MGRN1: variants seen among roughly 807,000 people sequenced by gnomAD.
MGRN1 encodes E3 ubiquitin-protein ligase MGRN1.
Under a neutral mutation model 69.2 loss-of-function variants are expected in MGRN1, and 29 were observed. The ratio of observed to expected loss-of-function variants is 0.42; its 90% CI spans 0.31 to 0.57. The LOEUF (loss-of-function observed/expected upper bound fraction) is 0.57. MGRN1 is among the 20% of genes least tolerant of loss of function. The pLI is 0.15. For missense variants in MGRN1, 998 were observed against 796.2 expected, an observed-to-expected ratio of 1.25 and a Z score of -3.05; for synonymous variants, 470 against 344.2, an observed-to-expected ratio of 1.37 and a Z score of -4.04.
chr16:4,672,476 G>A (rs148301860), intron 9 of MGRN1: 21 of 456,626 alleles, frequency 4.6e-5, no homozygotes, highest in Non-Finnish European at 8.4e-5. Flanking sequence ...CCACGTGGCG[G>A]GAGCGGAGCA....
chr16:4,683,398 C>A (rs1339644893), intron 15 of MGRN1, 129 bp downstream of exon 15: 2 of 1,105,464 alleles, frequency 1.8e-6, no homozygotes, highest in Non-Finnish European at 2.6e-6. Context: ...GGCCAAGAGG[C>A]CCCCCTCGGC....
At chr16:4,661,381 C>T (rs1310486219) in intron 5 of MGRN1, among the ~76,000 whole-genome samples, 4 of 152,186 alleles carry the variant, frequency 2.6e-5, no homozygotes, top group African/African-American at 9.6e-5. Context: ...CTGCACCCTC[C>T]AGCCCTCTCC....
At chr16:4,679,840 C>G (rs989839397) in intron 11 of MGRN1, among the ~76,000 whole-genome samples, 192 bp from the exon 12 acceptor site, 1 of 152,108 alleles carries the variant, frequency 6.6e-6, no homozygotes, top group Admixed American at 6.5e-5. Context: ...CGGGAGCTGC[C>G]GAGACGCACA....
intron 5 of MGRN1, among the ~76,000 whole-genome samples, chr16:4,661,145 T>G (rs2078671161): frequency 2.1e-5 from 1 of 47,076 alleles, no homozygotes; most frequent in Admixed American, 2.0e-4. Flanking sequence ...ACTGGCTGAT[T>G]TTTTTTTTTT....
chr16:4,679,626 G>T (rs904472870), intron 11 of MGRN1, among the ~76,000 whole-genome samples: 6 of 152,220 alleles, frequency 3.9e-5, no homozygotes, highest in Non-Finnish European at 8.8e-5. Flanking sequence ...GAGCGGCGGT[G>T]CCTGGGCACC....
chr16:4,662,130 G>A (rs2078696138), intron 5 of MGRN1, among the ~76,000 whole-genome samples: 1 of 152,200 alleles, frequency 6.6e-6, no homozygotes, highest in Non-Finnish European at 1.5e-5. Context: ...GTGGTCCGCT[G>A]TAACTCCTTT....
intron 1 of MGRN1, among the ~76,000 whole-genome samples, chr16:4,628,315 G>A (rs188209891): frequency 7.3e-4 from 109 of 149,966 alleles, no homozygotes; most frequent in African/African-American, 2.6e-3. Flanking sequence ...GAACCCGGGA[G>A]GTGAAGCTTG....
chr16:4,638,424 C>T (rs1659863319), intron 1 of MGRN1, among the ~76,000 whole-genome samples: 1 of 151,890 alleles, frequency 6.6e-6, no homozygotes. Flanking sequence ...GTGATCGTAC[C>T]ACTGCACTCC....
rs1489992372 is a variant in MGRN1, at chr16:4,690,784, ACCGCCCGCCCC to A, written c.*1883_*1893del. On this transcript the variant is annotated 3_prime_UTR_variant, in exon 17 of 17. Transcript: ENST00000262370. ...CCCAACAACACACACAGCCCCCTGC[ACCGCCCGCCCC>A]CCGCCCCCACCAAGGCCCCAGCCTC... 1 of 49,270 alleles carries A rather than the reference ACCGCCCGCCCC, an allele frequency of 2.0e-5. No individual in the cohort carries two copies. The highest frequency in any genetic ancestry group is 4.0e-5 in the Non-Finnish European group (1 of 24,766). 3.1% of individuals were successfully genotyped at this position (49,270 alleles called of 1,614,324 possible). A position where few individuals can be genotyped will look rare whatever the true frequency, so the allele number is the denominator to read the frequency against.
intron 11 of MGRN1, among the ~76,000 whole-genome samples, chr16:4,677,920 C>T (rs1398406865): frequency 2.0e-5 from 3 of 150,562 alleles, no homozygotes; most frequent in African/African-American, 7.3e-5. Flanking sequence ...GCAATGTCAG[C>T]TCACTGCAGC....
At chr16:4,656,211 C>T (rs762866293) in intron 4 of MGRN1, among the ~76,000 whole-genome samples, 2 of 152,234 alleles carry the variant, frequency 1.3e-5, no homozygotes, top group Non-Finnish European at 2.9e-5. Context: ...TAGGGATGCA[C>T]TCGTGCCTGT....
intron 16 of MGRN1, chr16:4,688,552 TCTG>T: frequency 3.2e-6 from 4 of 1,269,704 alleles, no homozygotes; most frequent in Non-Finnish European, 4.0e-6. Flanking sequence ...GGGCTGCAGA[TCTG>T]CTGTGGGTGT....
At chr16:4,681,898 C>A in intron 13 of MGRN1, 122 bp downstream of exon 13, 5 of 989,322 alleles carry the variant, frequency 5.1e-6, no homozygotes, top group Non-Finnish European at 7.3e-6. Flanking sequence ...CAGAAGGACT[C>A]GGAGACCCCG....
chr16:4,647,594 G>A (rs1299364808), intron 1 of MGRN1, among the ~76,000 whole-genome samples: 5 of 152,214 alleles, frequency 3.3e-5, no homozygotes, highest in East Asian at 1.9e-4. Context: ...TTTGTGTTGC[G>A]CACATCTCAG....
At chr16:4,688,451 G>A (rs1240576846) in intron 16 of MGRN1, 2 of 1,095,402 alleles carry the variant, frequency 1.8e-6, no homozygotes, top group Non-Finnish European at 2.2e-6. Flanking sequence ...TGGCAGGACA[G>A]TGGCTGGCCA....
At position 4,633,110 on chromosome 16, in the gene MGRN1, G is replaced by A. The variant is rs140098177; in HGVS notation, c.88+8062G>A. On this transcript the variant is annotated intron_variant, in intron 1 of 16. Coordinates refer to ENST00000262370, the MANE Select transcript of MGRN1 (RefSeq NM_015246.4). The stretch of plus-strand genomic sequence containing the variant: ...AAGAATAAATTAATAAAATTTGGCC[G>A]GGTGCAGTGGCTCACACCTGTAATC... Among the ~76,000 whole-genome samples, 131 of 151,956 alleles carry A rather than the reference G, an allele frequency of 8.6e-4. No homozygotes were observed. In the East Asian group the frequency reaches 0.015, roughly 18 times the overall value.
At chr16:4,657,391 C>T in intron 5 of MGRN1, 28 bp downstream of exon 5, 2 of 1,593,310 alleles carry the variant, frequency 1.3e-6, no homozygotes, top group Admixed American at 1.7e-5. Context: ...GCTCCTTGCC[C>T]TTCGCTCCTC....
intron 1 of MGRN1, among the ~76,000 whole-genome samples, chr16:4,641,869 G>T (rs921514769): frequency 1.3e-5 from 2 of 152,286 alleles, no homozygotes; most frequent in South Asian, 4.1e-4. Flanking sequence ...GCCCAGGCTG[G>T]TCTGAAATTC....
intron 2 of MGRN1, chr16:4,650,730 T>A (rs1284050708): frequency 2.7e-6 from 1 of 375,848 alleles, no homozygotes; most frequent in African/African-American, 2.1e-5. Context: ...CCATACTGAA[T>A]GGGTGCGTCT....
Sources: gnomAD v4.1 joint callset for allele counts (sites outside exome capture counted in the v4.1 genomes callset) on GRCh38, gnomAD v4.1.1 for gene constraint, MANE v1.5 for transcripts, NCBI Gene and HGNC (gene_info 2026-07-23, HGNC 2026-07-21) for gene names.